The following CTIF variants were observed in gnomAD, a reference collection of about 807,000 sequenced individuals.
CTIF encodes cap binding complex dependent translation initiation factor.
CTIF carries 21 observed loss-of-function variants against 66.0 expected under a neutral mutation model. That is an observed-to-expected ratio of 0.32 (90% CI 0.23 to 0.46). The LOEUF is 0.46. CTIF is among the 20% of genes least tolerant of loss of function. The pLI is 1.00. For missense variants in CTIF, 739 were observed against 812.7 expected, an observed-to-expected ratio of 0.91 and a Z score of 1.10; for synonymous variants, 345 against 326.4, an observed-to-expected ratio of 1.06 and a Z score of -0.62.
intron 1 of CTIF, among the ~76,000 whole-genome samples, chr18:48,606,635 C>T (rs2090206537): frequency 1.3e-5 from 2 of 152,208 alleles, no homozygotes; most frequent in African/African-American, 4.8e-5. Context: ...CCAATGCCCA[C>T]TCCAGGAGGG....
chr18:48,647,971 G>A (rs2091080235), intron 3 of CTIF, among the ~76,000 whole-genome samples: 1 of 152,186 alleles, frequency 6.6e-6, no homozygotes, highest in South Asian at 2.1e-4. Flanking sequence ...AATGGGGGGT[G>A]TTGATTTTCC....
chr18:48,785,762 T>C (rs1358941832), intron 9 of CTIF, among the ~76,000 whole-genome samples: 2 of 152,162 alleles, frequency 1.3e-5, no homozygotes, highest in Non-Finnish European at 2.9e-5. Context: ...TTCTATGGGG[T>C]ACCTTGCTTG....
At chr18:48,641,383 C>T (rs1015266887) in intron 3 of CTIF, among the ~76,000 whole-genome samples, 6 of 152,214 alleles carry the variant, frequency 3.9e-5, no homozygotes, top group African/African-American at 7.2e-5. Context: ...GTTGGCCCAC[C>T]GTGTTGGCTG....
At chr18:48,738,523 T>C (rs1236346680) in intron 7 of CTIF, among the ~76,000 whole-genome samples, 1 of 151,998 alleles carries the variant, frequency 6.6e-6, no homozygotes, top group Admixed American at 6.6e-5. Context: ...TCGGGGACTT[T>C]GCACTGGCTG....
intron 7 of CTIF, among the ~76,000 whole-genome samples, chr18:48,718,643 C>T (rs559890351): frequency 2.6e-5 from 4 of 152,222 alleles, no homozygotes; most frequent in African/African-American, 9.6e-5. Context: ...GGATGGTGCC[C>T]ATCCACACTG....
At chr18:48,582,233 A>G (rs1017380198) in intron 1 of CTIF, among the ~76,000 whole-genome samples, 1 of 151,796 alleles carries the variant, frequency 6.6e-6, no homozygotes, top group African/African-American at 2.4e-5. Flanking sequence ...CGGAGAGTAG[A>G]GGCTTGGCAA....
At chr18:48,714,632 C>T (rs1373945789) in intron 7 of CTIF, among the ~76,000 whole-genome samples, 1 of 152,200 alleles carries the variant, frequency 6.6e-6, no homozygotes, top group Non-Finnish European at 1.5e-5. Context: ...TGTCCCATCC[C>T]AGTTCCAGCT....
At position 48,788,859 on chromosome 18, in the gene CTIF, G is replaced by A. The variant is rs1453408457; in HGVS notation, c.1371+27170G>A. Among the ~76,000 whole-genome samples, 4 of 152,196 alleles carry A rather than the reference G, an allele frequency of 2.6e-5. No individual in the cohort carries two copies. In the South Asian group the frequency reaches 6.2e-4, roughly 24 times the overall value. On this transcript the variant is annotated intron_variant, in intron 9 of 11. Coordinates refer to ENST00000256413, the MANE Select transcript of CTIF (RefSeq NM_014772.3). ...GCCCAGAGGTGTAGGTAGGCCAACA[G>A]TGGACACGGATGCTAGAAAGGTACT...
chr18:48,588,729 A>G (rs1568053410), intron 1 of CTIF, among the ~76,000 whole-genome samples: 1 of 152,112 alleles, frequency 6.6e-6, no homozygotes, highest in Non-Finnish European at 1.5e-5. Context: ...CTTTGATCCA[A>G]ATTTAAAACA....
chr18:48,720,338 T>A (rs1272808117), intron 7 of CTIF, among the ~76,000 whole-genome samples: 1 of 152,128 alleles, frequency 6.6e-6, no homozygotes, highest in Non-Finnish European at 1.5e-5. Context: ...TATCACTGCT[T>A]CATTTGCACC....
chr18:48,723,437 C>T (rs1411835478), intron 7 of CTIF, among the ~76,000 whole-genome samples: 1 of 152,202 alleles, frequency 6.6e-6, no homozygotes, highest in Non-Finnish European at 1.5e-5. Context: ...CTAGGTCAGT[C>T]CTGCCCATAG....
At chr18:48,615,454 TCTC>T (rs1359999127) in intron 1 of CTIF, among the ~76,000 whole-genome samples, 2 of 152,174 alleles carry the variant, frequency 1.3e-5, no homozygotes, top group Non-Finnish European at 2.9e-5. Flanking sequence ...AGTGATGTAT[TCTC>T]CTGTTCCCCC....
intron 7 of CTIF, among the ~76,000 whole-genome samples, chr18:48,719,600 G>T (rs1229959790): frequency 1.3e-5 from 2 of 152,202 alleles, no homozygotes; most frequent in Admixed American, 6.5e-5. Context: ...TTTGCAGTCA[G>T]TCATTGACAC....
intron 10 of CTIF, among the ~76,000 whole-genome samples, chr18:48,833,459 C>A (rs2068739067): frequency 6.6e-6 from 1 of 152,168 alleles, no homozygotes; most frequent in Middle Eastern, 3.4e-3. Context: ...TTTCCCATTT[C>A]CTCTCTCTAA....
rs1332743307 is a variant in CTIF, at chr18:48,619,601, G to T, written c.36G>T (p.Glu12Asp). Residue 12 changes from glutamate (E) to aspartate (D), a missense_variant, in exon 2 of 12, where the codon GAG becomes GAT. Glu to Asp is a conservative substitution (Grantham distance 45). This residue lies in a region of CTIF where 529 missense variants were observed against 520.3 expected (regional missense o/e 1.02). Coordinates refer to ENST00000256413, the MANE Select transcript of CTIF (RefSeq NM_014772.3). ...ENSSAASASS[E>D]AGSSRSQEIE... is the part of the protein sequence containing the mutation. ...CCTCTGCAGCATCAGCCTCCTCGGA[G>T]GCAGGGAGCAGCCGCTCCCAGGAGA... 1.3e-6 allele frequency: 2 copies of T among 1,598,374 alleles called. No individual in the cohort carries two copies. Among genetic ancestry groups the T allele is most frequent in the East Asian group, 2.3e-5 (1 of 44,190 alleles).
At chr18:48,839,939 G>A (rs2068899738) in intron 10 of CTIF, among the ~76,000 whole-genome samples, 2 of 152,134 alleles carry the variant, frequency 1.3e-5, no homozygotes, top group Admixed American at 6.5e-5. Context: ...CAGGTCTTCC[G>A]AGAGGCCCAG....
At position 48,761,436 on chromosome 18, in the gene CTIF, A is replaced by G; in HGVS notation, c.1118A>G (p.Asp373Gly). 6.2e-7 allele frequency: 1 copy of G among 1,614,104 alleles called. No individual in the cohort carries two copies. Among genetic ancestry groups the G allele is most frequent in the Non-Finnish European group, 8.5e-7 (1 of 1,180,038 alleles). Residue 373 changes from aspartate (D) to glycine (G), a missense_variant, in exon 9 of 12, where the codon GAC becomes GGC. Physicochemically the swap from Asp to Gly is moderately conservative, Grantham distance 94. Around this residue, in one of 2 missense-constraint regions of CTIF, gnomAD observed 529 missense variants for 520.3 expected, o/e 1.02. Coordinates refer to ENST00000256413, the MANE Select transcript of CTIF (RefSeq NM_014772.3). This position sits in a 1 kb window ranked among gnomAD's most constrained non-coding sequence, Gnocchi z 4.2. ...ACCACTCCCCAGCAGAACAAGATGG[A>G]CAAGCTGATCGAGATCCTGAACAGC... ...ETTTPQQNKM[D>G]KLIEILNSMR... is the part of the protein sequence containing the mutation.
At chr18:48,747,863 A>G (rs2145795079) in intron 7 of CTIF, among the ~76,000 whole-genome samples, 1 of 151,948 alleles carries the variant, frequency 6.6e-6, no homozygotes, top group African/African-American at 2.4e-5. Flanking sequence ...GGTTGCATGA[A>G]CTGTGATCAT....
intron 10 of CTIF, among the ~76,000 whole-genome samples, chr18:48,850,226 C>T (rs1276605047): frequency 1.3e-5 from 2 of 152,152 alleles, no homozygotes; most frequent in African/African-American, 4.8e-5. Flanking sequence ...GTGATATTCC[C>T]CTTGTATGGA....
Sources: allele counts gnomAD v4.1 joint callset (sites outside exome capture counted in the v4.1 genomes callset), GRCh38; gene constraint gnomAD v4.1.1; regional missense constraint gnomAD v4.1.1; non-coding constraint Gnocchi (gnomAD v3.1); transcripts MANE v1.5; gene names NCBI Gene and HGNC (gene_info 2026-07-23, HGNC 2026-07-21).